Variants in GMDS observed in about 807,000 individuals in gnomAD.
GMDS encodes the protein GDP-mannose 4,6-dehydratase.
In GMDS, 20 loss-of-function variants were observed where a neutral mutation model predicts 49.9. The ratio of observed to expected loss-of-function variants is 0.40; its 90% CI spans 0.28 to 0.58. The LOEUF is 0.58. Among genes scored for constraint, GMDS ranks in the 20% least tolerant of loss-of-function variants. The probability of loss-of-function intolerance (pLI) is 0.42; values close to 1 mark genes in which losing one functional copy is unlikely to be tolerated. For missense variants in GMDS, 362 were observed against 481.4 expected (o/e 0.75, Z 2.32); for synonymous variants, 177 against 178.6 (o/e 0.99, Z 0.07).
In GMDS at chr6:1,732,280, T is replaced by C. The variant is rs190348699; in HGVS notation, c.891-5768A>G. On this transcript the variant is annotated intron_variant, in intron 8 of 10. Coordinates refer to ENST00000380815, the MANE Select transcript of GMDS (RefSeq NM_001500.4). ...AGGCGGAGGTTGCAGTGAGCCCAGATCGCACCACTGCACTCCAGCCTGGTG... is the reference window on the plus strand; with the variant it reads ...AGGCGGAGGTTGCAGTGAGCCCAGACCGCACCACTGCACTCCAGCCTGGTG... 1.7e-3 allele frequency among the ~76,000 whole-genome samples: 261 copies of C among 152,306 alleles called. 1 individual carries two copies. The highest frequency in any genetic ancestry group is 5.8e-3 in the African/African-American group (240 of 41,566).
At chr6:1,931,016 G>T (rs1452147459) in intron 6 of GMDS, 1 of 152,172 alleles carries the variant, frequency 6.6e-6, no homozygotes, top group Non-Finnish European at 1.5e-5. Flanking sequence ...GGTCTTTAAT[G>T]AAAACTCTAT....
intron 1 of GMDS, among the ~76,000 whole-genome samples, chr6:2,194,345 A>G (rs1355222015): frequency 6.6e-6 from 1 of 152,242 alleles, no homozygotes; most frequent in African/African-American, 2.4e-5. Context: ...AAAAATTAAG[A>G]CTTGTAAAGA....
rs925013077 is a variant in GMDS at position 1,635,994 on chromosome 6, C to T, written c.988-11454G>A. 2.0e-5 allele frequency among the ~76,000 whole-genome samples: 3 copies of T among 152,156 alleles called. No individual in the cohort carries two copies. Among genetic ancestry groups the T allele is most frequent in the Non-Finnish European group, 4.4e-5 (3 of 68,038 alleles). On this transcript the variant is annotated intron_variant, in intron 9 of 10. Coordinates refer to ENST00000380815, the MANE Select transcript of GMDS (RefSeq NM_001500.4). This position sits in a 1 kb window ranked among gnomAD's most constrained non-coding sequence, Gnocchi z 4.7. ...TCGCATTTCCAGAGTAACCTGCCAC[C>T]GTGGCAGCCCTCCTCATCACAAAGA...
At chr6:1,960,744 A>T (rs770656988) in intron 5 of GMDS, 30 bp downstream of exon 5, 6 of 1,442,866 alleles carry the variant, frequency 4.2e-6, no homozygotes, top group Non-Finnish European at 4.8e-6. Flanking sequence ...AACGCCACAC[A>T]TGTGCTCCGG....
At chr6:1,959,780 C>T (rs563825340) in intron 6 of GMDS, 87 bp downstream of exon 6, 2 of 589,966 alleles carry the variant, frequency 3.4e-6, no homozygotes, top group Non-Finnish European at 5.6e-6. Context: ...ATTTTTCAGT[C>T]TCTGTAGTAC....
intron 4 of GMDS, among the ~76,000 whole-genome samples, chr6:2,065,887 C>G (rs969642957): frequency 6.6e-6 from 1 of 152,160 alleles, no homozygotes; most frequent in Non-Finnish European, 1.5e-5. Context: ...TCTAGCAAGG[C>G]AGGCCAACAT....
At chr6:1,898,886 G>A (rs1296806719) in intron 7 of GMDS, among the ~76,000 whole-genome samples, 1 of 152,162 alleles carries the variant, frequency 6.6e-6, no homozygotes, top group Non-Finnish European at 1.5e-5. Context: ...CGGGGCTCCT[G>A]CCCTAACGGA....
intron 4 of GMDS, among the ~76,000 whole-genome samples, chr6:2,101,568 G>C (rs532190079): frequency 1.4e-4 from 21 of 151,900 alleles, no homozygotes; most frequent in Non-Finnish European, 2.7e-4. Context: ...CCCACGAAAT[G>C]AGAGAAAGTA....
chr6:1,785,247 G>A (rs905578589), intron 7 of GMDS, among the ~76,000 whole-genome samples: 27 of 152,002 alleles, frequency 1.8e-4, no homozygotes, highest in Non-Finnish European at 5.9e-5. Flanking sequence ...AAATAAAAAC[G>A]TGTTTTTATT....
intron 7 of GMDS, among the ~76,000 whole-genome samples, chr6:1,750,395 T>C (rs1235416808): frequency 4.6e-5 from 7 of 152,140 alleles, no homozygotes; most frequent in Non-Finnish European, 7.4e-5. Context: ...GCTCATCTCA[T>C]TGGGACTGGT....
chr6:2,208,373 A>G (rs769765694), intron 1 of GMDS, among the ~76,000 whole-genome samples: 1 of 152,242 alleles, frequency 6.6e-6, no homozygotes, highest in Non-Finnish European at 1.5e-5. Context: ...CGTTTTACAG[A>G]TGACACAATT....
At position 2,065,390 on chromosome 6, in the gene GMDS, T is replaced by C. The variant is rs574400148; in HGVS notation, c.345+50381A>G. 5.3e-3 allele frequency among the ~76,000 whole-genome samples: 814 copies of C among 152,312 alleles called. 4 individuals carry two copies. Among genetic ancestry groups the C allele is most frequent in the Middle Eastern group, 0.024 (7 of 294 alleles). On this transcript the variant is annotated intron_variant, in intron 4 of 10. Transcript: ENST00000380815. The stretch of plus-strand genomic sequence containing the variant: ...CCTCTCCTCCTCCAAAGGAACACAG[T>C]TCCTCACCAGCAATGGAACAAAGCT...
chr6:2,208,729 A>C (rs1779924031), intron 1 of GMDS, among the ~76,000 whole-genome samples: 1 of 152,218 alleles, frequency 6.6e-6, no homozygotes, highest in East Asian at 1.9e-4. Flanking sequence ...AGCTTGCCCA[A>C]GATGTGGTAA....
At chr6:2,202,040 G>C (rs1204680498) in intron 1 of GMDS, among the ~76,000 whole-genome samples, 1 of 142,842 alleles carries the variant, frequency 7.0e-6, no homozygotes, top group Non-Finnish European at 1.5e-5. Context: ...AAACCATCTA[G>C]GCAGTGAGGG....
intron 9 of GMDS, among the ~76,000 whole-genome samples, chr6:1,650,367 CCTT>C (rs1282318697): frequency 1.3e-5 from 2 of 152,092 alleles, no homozygotes. Flanking sequence ...ATAAGAGACT[CCTT>C]AGGTTCTCAG....
chr6:2,057,402 T>C (rs1385486271), intron 4 of GMDS, among the ~76,000 whole-genome samples: 1 of 152,232 alleles, frequency 6.6e-6, no homozygotes, highest in Admixed American at 6.5e-5. Context: ...GTTTTACATA[T>C]ATGTACACAC....
At chr6:2,079,019 CTTTTTTTTTTT>C (rs386405902) in intron 4 of GMDS, among the ~76,000 whole-genome samples, 1 of 33,992 alleles carries the variant, frequency 2.9e-5, no homozygotes, top group Admixed American at 4.6e-4. Context: ...ATGACCTTGT[CTTTTTTTTTTT>C]TTTTTTTTTT....
chr6:2,243,717 CTT>C (rs1400611736), intron 1 of GMDS, among the ~76,000 whole-genome samples: 1 of 152,010 alleles, frequency 6.6e-6, no homozygotes, highest in Non-Finnish European at 1.5e-5. Context: ...TTTTCAAACT[CTT>C]GTCTATTATG....
chr6:1,933,961 G>A (rs964130788), intron 6 of GMDS, among the ~76,000 whole-genome samples: 1 of 152,070 alleles, frequency 6.6e-6, no homozygotes, highest in Non-Finnish European at 1.5e-5. Context: ...GTTAATCCAA[G>A]GTCATGAAGA....
Sources: allele counts gnomAD v4.1 joint callset (sites outside exome capture counted in the v4.1 genomes callset), GRCh38; gene constraint gnomAD v4.1.1; non-coding constraint Gnocchi (gnomAD v3.1); transcripts MANE v1.5; gene names NCBI Gene and HGNC (gene_info 2026-07-23, HGNC 2026-07-21).